The following MCUR1 variants were observed in gnomAD, a reference collection of about 807,000 sequenced individuals.
MCUR1 encodes mitochondrial calcium uniporter regulator 1.
A neutral mutation model predicts 42.0 loss-of-function variants in MCUR1; 37 were observed. The observed-to-expected ratio is 0.88, with a 90% CI of 0.68 to 1.16. The LOEUF (loss-of-function observed/expected upper bound fraction) is 1.16. Among genes scored for constraint, MCUR1 ranks in the 50% most tolerant of loss-of-function variants. MCUR1 has a pLI of 0.00. For missense variants in MCUR1, 469 were observed against 468.4 expected (o/e 1.00, Z -0.01); for synonymous variants, 229 against 196.2 (o/e 1.17, Z -1.40).
intron 2 of MCUR1, among the ~76,000 whole-genome samples, 200 bp from the exon 3 acceptor site, chr6:13,802,546 G>A (rs1760014625): frequency 6.6e-6 from 1 of 152,154 alleles, no homozygotes; most frequent in South Asian, 2.1e-4. Flanking sequence ...GGCTTCCCCA[G>A]GTACCGGTGG....
rs1407579559 is a variant in MCUR1, at chr6:13,814,443, A to G, written c.-14T>C. The G allele has an allele frequency of 1.3e-5, 19 of 1,501,442 alleles. No homozygotes were observed. The highest frequency in any genetic ancestry group is 4.4e-5 in the Admixed American group (2 of 45,732). 93.0% of individuals were successfully genotyped at this position (1,501,442 alleles called of 1,614,324 possible). A position where few individuals can be genotyped will look rare whatever the true frequency, so the allele number is the denominator to read the frequency against. ...GCCGCAGTCCATCCCCGAGCAGTTC[A>G]CTGGCCCGGGCGCGCGCTCATGCCT... On this transcript the variant is annotated 5_prime_UTR_variant, in exon 1 of 9. It removes the in-frame stop codon of an upstream open reading frame in the 5' UTR. Coordinates refer to ENST00000379170, the MANE Select transcript of MCUR1 (RefSeq NM_001031713.4).
intron 4 of MCUR1, among the ~76,000 whole-genome samples, 160 bp downstream of exon 4, chr6:13,801,128 T>A (rs1449855496): frequency 1.3e-5 from 2 of 152,238 alleles, no homozygotes; most frequent in African/African-American, 4.8e-5. Flanking sequence ...GAGAGACTTC[T>A]GGGACAGTGG....
At position 13,807,028 on chromosome 6, in the gene MCUR1, A is replaced by G. The variant is rs536970605; in HGVS notation, c.432T>C (p.Ala144=). The G allele has an allele frequency of 2.5e-5, 40 of 1,612,278 alleles. 1 individual carries two copies. The East Asian group carries it at 8.5e-4, about 34-fold the overall frequency. ...TTTTGCGCTCCAGCTGCAGGGATCCAGCAGACAAGCTTAGCTCTAGGGTGG... is the reference window on the plus strand; with the variant it reads ...TTTTGCGCTCCAGCTGCAGGGATCCGGCAGACAAGCTTAGCTCTAGGGTGG... ...VSCRRELSLS[A]GSLQLERKRR... is the part of the protein sequence containing the mutation. The change falls in exon 2 of 9, where the codon GCT becomes GCC. Residue 144 remains alanine, a synonymous_variant. Coordinates refer to ENST00000379170, the MANE Select transcript of MCUR1 (RefSeq NM_001031713.4).
chr6:13,810,826 GTGTGTT>G (rs886312894), intron 1 of MCUR1, among the ~76,000 whole-genome samples: 4 of 152,220 alleles, frequency 2.6e-5, no homozygotes, highest in South Asian at 4.1e-4. Flanking sequence ...AATGACTTAT[GTGTGTT>G]TGTGTTTGTT....
intron 8 of MCUR1, 27 bp downstream of exon 8, chr6:13,791,851 G>T: frequency 6.7e-7 from 1 of 1,488,050 alleles, no homozygotes; most frequent in South Asian, 1.2e-5. Context: ...TTTTCAGGTT[G>T]ATTTAAATAG....
rs1228957498 is a variant in MCUR1 at position 13,787,102 on chromosome 6, A to C, written c.*3707T>G. ...AGAAGATTGCATGTTAGGGTGGGGGAAGATAAATGCTTGCCAATACTGACA... is the reference window on the plus strand; with the variant it reads ...AGAAGATTGCATGTTAGGGTGGGGGCAGATAAATGCTTGCCAATACTGACA... On this transcript the variant is annotated 3_prime_UTR_variant, in exon 9 of 9. Transcript: ENST00000379170. 1 of 152,126 alleles carries C rather than the reference A, an allele frequency of 6.6e-6. No homozygotes were observed. Among genetic ancestry groups the C allele is most frequent in the Non-Finnish European group, 1.5e-5 (1 of 68,030 alleles). 9.4% of individuals were successfully genotyped at this position (152,126 alleles called of 1,614,324 possible). A position where few individuals can be genotyped will look rare whatever the true frequency, so the allele number is the denominator to read the frequency against.
At chr6:13,795,495 T>C (rs1165437283) in intron 6 of MCUR1, among the ~76,000 whole-genome samples, 1 of 152,206 alleles carries the variant, frequency 6.6e-6, no homozygotes, top group African/African-American at 2.4e-5. Context: ...AATTTAATAT[T>C]TAACATTATA....
rs984194725 is a variant in MCUR1 at position 13,803,018 on chromosome 6, A to G, written c.536-672T>C. Among the ~76,000 whole-genome samples, 6 of 152,216 alleles carry G rather than the reference A, an allele frequency of 3.9e-5. No individual in the cohort carries two copies. The East Asian group carries it at 9.6e-4, about 24-fold the overall frequency. ...GAAAAAATATGTTCTTTGGTAGTCA[A>G]TAAATGATACTGAATTGAATGATAG... On this transcript the variant is annotated intron_variant, in intron 2 of 8. Transcript: ENST00000379170.
chr6:13,794,273 C>T (rs552206372), intron 6 of MCUR1, among the ~76,000 whole-genome samples: 1 of 152,086 alleles, frequency 6.6e-6, no homozygotes, highest in Non-Finnish European at 1.5e-5. Context: ...TTTATACTTA[C>T]TCATTCCTCT....
intron 6 of MCUR1, among the ~76,000 whole-genome samples, chr6:13,797,306 A>T (rs887169902): frequency 3.3e-5 from 5 of 152,198 alleles, no homozygotes; most frequent in African/African-American, 1.2e-4. Context: ...GCTAAGAATA[A>T]AAAAGGCACC....
intron 1 of MCUR1, among the ~76,000 whole-genome samples, chr6:13,808,853 T>C (rs980774504): frequency 6.6e-6 from 1 of 152,202 alleles, no homozygotes; most frequent in Non-Finnish European, 1.5e-5. Flanking sequence ...CATTGATCTA[T>C]GTGTTTGTCC....
chr6:13,794,799 T>TA (rs922480085), intron 6 of MCUR1, among the ~76,000 whole-genome samples: 2 of 151,906 alleles, frequency 1.3e-5, no homozygotes, highest in African/African-American at 4.8e-5. Flanking sequence ...TTAATAACAA[T>TA]AAAAAAACCC....
At position 13,789,861 on chromosome 6, in the gene MCUR1, G is replaced by A. The variant is rs574526252; in HGVS notation, c.*948C>T. ...GAGGGAAAATCTTGCATTCTAAGAG[G>A]TAAGAGTCCCCATTACAATTGCAAT... On this transcript the variant is annotated 3_prime_UTR_variant, in exon 9 of 9. Coordinates refer to ENST00000379170, the MANE Select transcript of MCUR1 (RefSeq NM_001031713.4). The A allele has an allele frequency of 2.6e-5, 4 of 152,144 alleles. No individual in the cohort carries two copies. The highest frequency in any genetic ancestry group is 4.4e-5 in the Non-Finnish European group (3 of 68,036). 9.4% of individuals were successfully genotyped at this position (152,144 alleles called of 1,614,324 possible).
intron 2 of MCUR1, chr6:13,804,322 CAAAAAAAAAAAAAA>C (rs747622585): frequency 0.062 from 1,319 of 21,126 alleles, 23 homozygotes; most frequent in South Asian, 0.2. Flanking sequence ...GATTCTGTCT[CAAAAAAAAAAAAAA>C]AAAAAAAAAA....
rs1365102394 is a variant in MCUR1, at chr6:13,814,319, T to C, written c.111A>G (p.Ser37=). 4 of 1,506,584 alleles carry C rather than the reference T, an allele frequency of 2.7e-6. No individual in the cohort carries two copies. Among genetic ancestry groups the C allele is most frequent in the Non-Finnish European group, 2.6e-6 (3 of 1,134,030 alleles). The allele number at this position is 1,506,584 out of a possible 1,614,324, so 93.3% of individuals were successfully genotyped here. ...AGAGCGCAGAGAGGCAGCGGCGTGC[T>C]GAGGTTTCGCTGCCGCCCGGTCTTC... ...LSGRPGGSET[S]ARRCLSALSD... is the part of the protein sequence containing the mutation. The change falls in exon 1 of 9, where the codon TCA becomes TCG. Residue 37 remains serine (S), a synonymous_variant. Transcript: ENST00000379170.
intron 5 of MCUR1, among the ~76,000 whole-genome samples, chr6:13,799,672 A>G (rs1312365639): frequency 1.3e-5 from 2 of 152,080 alleles, no homozygotes; most frequent in East Asian, 3.9e-4. Context: ...TGTTTTTTCT[A>G]TTTAAAAAAC....
intron 1 of MCUR1, among the ~76,000 whole-genome samples, chr6:13,812,535 G>A (rs143565367): frequency 1.6e-4 from 24 of 152,246 alleles, no homozygotes; most frequent in African/African-American, 4.6e-4. Context: ...CAGAAAAAGC[G>A]CAACAAAAGG....
intron 1 of MCUR1, among the ~76,000 whole-genome samples, chr6:13,807,989 T>C (rs1760148987): frequency 6.6e-6 from 1 of 152,176 alleles, no homozygotes; most frequent in African/African-American, 2.4e-5. Flanking sequence ...GTTTATGTGT[T>C]GAAAACTTAA....
chr6:13,809,589 TA>T (rs1251975428), intron 1 of MCUR1, among the ~76,000 whole-genome samples: 1 of 152,088 alleles, frequency 6.6e-6, no homozygotes, highest in African/African-American at 2.4e-5. Context: ...TATGAACTGC[TA>T]AAATCTTTTT....
Sources: allele counts gnomAD v4.1 joint callset (sites outside exome capture counted in the v4.1 genomes callset), GRCh38; gene constraint gnomAD v4.1.1; transcripts MANE v1.5; gene names NCBI Gene and HGNC (gene_info 2026-07-23, HGNC 2026-07-21).